Variants in LHFPL3 observed in about 807,000 individuals in gnomAD.
LHFPL3 encodes the protein LHFPL tetraspan subfamily member 3 protein.
A neutral mutation model predicts 19.3 loss-of-function variants in LHFPL3; 5 were observed. The ratio of observed to expected loss-of-function variants is 0.26; its 90% confidence interval spans 0.14 to 0.54. The LOEUF (loss-of-function observed/expected upper bound fraction) is 0.54. Ranked by LOEUF, LHFPL3 falls within the 20% of genes least tolerant of loss-of-function variation. LHFPL3 has a pLI of 0.94. For synonymous variants in LHFPL3, 133 were observed against 126.2 expected, an observed-to-expected ratio of 1.05 and a Z score of -0.36; for missense variants, 249 against 307.4, an observed-to-expected ratio of 0.81 and a Z score of 1.42.
chr7:104,425,353 T>A (rs1275052953), intron 1 of LHFPL3, among the ~76,000 whole-genome samples: 3 of 144,100 alleles, frequency 2.1e-5, no homozygotes, highest in Non-Finnish European at 4.5e-5. Flanking sequence ...TGACCTTTGT[T>A]GACCTCTCTG....
rs186334876 is a variant in LHFPL3 at position 104,834,109 on chromosome 7, T to C, written c.683-72078T>C. 3.2e-3 allele frequency among the ~76,000 whole-genome samples: 486 copies of C among 151,132 alleles called. 14 individuals are homozygous for C. The highest frequency in any genetic ancestry group is 0.012 in the African/African-American group (474 of 40,878). On this transcript the variant is annotated intron_variant, in intron 2 of 2. Transcript: ENST00000424859. Reference sequence around the variant, plus strand: ...TTTCACGTTTTTCTGCCTGTTTATATTCGATGGCAACTGATTAGATTGTGC... The same window carrying C: ...TTTCACGTTTTTCTGCCTGTTTATACTCGATGGCAACTGATTAGATTGTGC...
intron 1 of LHFPL3, among the ~76,000 whole-genome samples, chr7:104,584,783 G>A (rs779970903): frequency 3.9e-5 from 6 of 152,090 alleles, no homozygotes; most frequent in Non-Finnish European, 7.4e-5. Context: ...AGAATCAGCA[G>A]GCAGCAGTCC....
At chr7:104,575,852 C>T (rs1287650254) in intron 1 of LHFPL3, among the ~76,000 whole-genome samples, 3 of 152,106 alleles carry the variant, frequency 2.0e-5, no homozygotes, top group Non-Finnish European at 4.4e-5. Flanking sequence ...TTTCCTCCTA[C>T]CTGCAAATGG....
At chr7:104,792,106 T>G (rs988144503) in intron 2 of LHFPL3, among the ~76,000 whole-genome samples, 14 of 152,202 alleles carry the variant, frequency 9.2e-5, no homozygotes, top group African/African-American at 3.4e-4. Flanking sequence ...AGAGATTTCC[T>G]AGCAGTGTCA....
At chr7:104,380,973 T>C (rs759707532) in intron 1 of LHFPL3, among the ~76,000 whole-genome samples, 16 of 152,158 alleles carry the variant, frequency 1.1e-4, no homozygotes, top group Non-Finnish European at 2.2e-4. Flanking sequence ...GCATAGAGAC[T>C]GTAAAAGGAG....
chr7:104,657,516 A>G (rs1792142152), intron 1 of LHFPL3, among the ~76,000 whole-genome samples: 1 of 152,242 alleles, frequency 6.6e-6, no homozygotes, highest in African/African-American at 2.4e-5. Flanking sequence ...TTAATGCCTA[A>G]TATGTGTAGA....
intron 2 of LHFPL3, among the ~76,000 whole-genome samples, chr7:104,816,391 C>T (rs776886641): frequency 1.3e-5 from 2 of 152,194 alleles, no homozygotes; most frequent in Non-Finnish European, 2.9e-5. Flanking sequence ...ACTATGCTGG[C>T]TCCTGAGATT....
chr7:104,612,909 A>G, intron 1 of LHFPL3, among the ~76,000 whole-genome samples: 1 of 152,216 alleles, frequency 6.6e-6, no homozygotes, highest in East Asian at 1.9e-4. Context: ...AGAATTTTTC[A>G]TATCAGTGTT....
At position 104,668,646 on chromosome 7, in the gene LHFPL3, A is replaced by G. The variant is rs1338685574; in HGVS notation, c.446-68029A>G. The G allele has an allele frequency of 3.1e-6, 5 of 1,612,056 alleles. No individual in the cohort carries two copies. In the Admixed American group the frequency reaches 6.7e-5, roughly 22 times the overall value. On this transcript the variant is annotated intron_variant, in intron 1 of 2. Transcript: ENST00000424859. ...GGACTGCTATGAAGACCAATATGAC[A>G]GACGGGATGATCGGTCGTGGAGCTC...
intron 1 of LHFPL3, among the ~76,000 whole-genome samples, chr7:104,542,643 C>CAA (rs996149024): frequency 6.6e-6 from 1 of 152,196 alleles, no homozygotes; most frequent in Non-Finnish European, 1.5e-5. Flanking sequence ...TGTCTCTTCT[C>CAA]AGACACACCC....
intron 1 of LHFPL3, among the ~76,000 whole-genome samples, chr7:104,598,053 A>C (rs1030356615): frequency 6.6e-6 from 1 of 152,160 alleles, no homozygotes; most frequent in Non-Finnish European, 1.5e-5. Flanking sequence ...TATGGGGACA[A>C]TGTCCCAAAG....
In LHFPL3 at chr7:104,706,869, C is replaced by T. The variant is rs73181862; in HGVS notation, c.446-29806C>T. ...AGATTAAGTGGCTCAGCCACAATTC[C>T]ATTCTTTGCACATTCTTATCTGCAA... On this transcript the variant is annotated intron_variant, in intron 1 of 2. Transcript: ENST00000424859. Among the ~76,000 whole-genome samples, 715 of 152,312 alleles carry T rather than the reference C, an allele frequency of 4.7e-3. 1 individual carries two copies. The highest frequency in any genetic ancestry group is 7.8e-3 in the Non-Finnish European group (529 of 68,028).
chr7:104,571,123 G>C (rs915894014), intron 1 of LHFPL3, among the ~76,000 whole-genome samples: 1 of 152,074 alleles, frequency 6.6e-6, no homozygotes, highest in East Asian at 1.9e-4. Context: ...ACCTTGCCTA[G>C]GTGTTAAAAA....
At chr7:104,604,403 G>A (rs1346220401) in intron 1 of LHFPL3, among the ~76,000 whole-genome samples, 1 of 152,142 alleles carries the variant, frequency 6.6e-6, no homozygotes, top group East Asian at 1.9e-4. Flanking sequence ...GTGATGGGAG[G>A]GGCAGCCTCA....
intron 1 of LHFPL3, among the ~76,000 whole-genome samples, chr7:104,547,348 T>C (rs1273720867): frequency 1.3e-5 from 2 of 151,808 alleles, no homozygotes; most frequent in African/African-American, 4.8e-5. Flanking sequence ...TATTCATCTG[T>C]CAGTGTAGAT....
At chr7:104,556,394 T>C (rs923584712) in intron 1 of LHFPL3, among the ~76,000 whole-genome samples, 2 of 152,216 alleles carry the variant, frequency 1.3e-5, no homozygotes, top group Non-Finnish European at 2.9e-5. Flanking sequence ...TTGACTTCTG[T>C]GCACCCACAG....
At chr7:104,474,094 T>C (rs1333988548) in intron 1 of LHFPL3, among the ~76,000 whole-genome samples, 1 of 152,214 alleles carries the variant, frequency 6.6e-6, no homozygotes, top group Non-Finnish European at 1.5e-5. Flanking sequence ...ACATGTGATC[T>C]ACTCAGTGGA....
At chr7:104,615,706 T>C (rs1791319983) in intron 1 of LHFPL3, among the ~76,000 whole-genome samples, 1 of 150,654 alleles carries the variant, frequency 6.6e-6, no homozygotes, top group Admixed American at 6.6e-5. Flanking sequence ...CCCCAGTGTG[T>C]AATGTTCCCC....
chr7:104,783,209 C>T (rs779930372), intron 2 of LHFPL3, among the ~76,000 whole-genome samples: 2 of 152,250 alleles, frequency 1.3e-5, no homozygotes, highest in Non-Finnish European at 2.9e-5. Context: ...CTGGCTTAAA[C>T]AGCATTTCCT....
Sources: allele counts gnomAD v4.1 joint callset (sites outside exome capture counted in the v4.1 genomes callset), GRCh38; gene constraint gnomAD v4.1.1; transcripts MANE v1.5; gene names NCBI Gene and HGNC (gene_info 2026-07-23, HGNC 2026-07-21).